DYRK3: variants seen among roughly 807,000 people sequenced by gnomAD.
DYRK3 encodes dual specificity tyrosine-phosphorylation-regulated kinase 3.
A neutral mutation model predicts 40.8 loss-of-function variants in DYRK3; 30 were observed. That is an observed-to-expected ratio of 0.74 (90% CI 0.55 to 1.00). DYRK3 has a LOEUF of 1.00. DYRK3 is among the 50% of genes least tolerant of loss of function. DYRK3 has a pLI of 0.00. For synonymous variants in DYRK3, 272 were observed against 260.7 expected, an observed-to-expected ratio of 1.04 and a Z score of -0.42; for missense variants, 699 against 731.5, an observed-to-expected ratio of 0.96 and a Z score of 0.51.
intron 1 of DYRK3, chr1:206,636,823 G>T: frequency 8.2e-7 from 1 of 1,216,790 alleles, no homozygotes; most frequent in South Asian, 1.5e-5. Context: ...CATTATTCAG[G>T]GCCATCTTGT....
chr1:206,646,248 A>T (rs1276241678), intron 2 of DYRK3, among the ~76,000 whole-genome samples: 1 of 152,224 alleles, frequency 6.6e-6, no homozygotes, highest in Non-Finnish European at 1.5e-5. Context: ...ATCATCTCAC[A>T]TAGTTACCCT....
intron 2 of DYRK3, among the ~76,000 whole-genome samples, chr1:206,639,163 G>A (rs1393036575): frequency 1.3e-5 from 2 of 152,258 alleles, no homozygotes; most frequent in South Asian, 2.1e-4. Context: ...ACAGGCGTGA[G>A]CCACCGCACC....
chr1:206,637,709 G>T lies in DYRK3; in HGVS notation c.137G>T (p.Cys46Phe). ...MMIDETKCPP[C>F]SNVLCNPSEP... Reference sequence around the variant, plus strand: ...ATAGATGAAACCAAATGTCCCCCCTGTTCAAATGTACTCTGCAATCCTTCT... The same window carrying T: ...ATAGATGAAACCAAATGTCCCCCCTTTTCAAATGTACTCTGCAATCCTTCT... Residue 46 changes from cysteine (C) to phenylalanine (F), a missense_variant, in exon 2 of 3, where the codon TGT (cysteine) becomes TTT (phenylalanine). Cys to Phe is a radical substitution (Grantham distance 205). Transcript: ENST00000367109. The T allele has an allele frequency of 6.2e-7, 1 of 1,614,058 alleles. No individual in the cohort carries two copies. Among genetic ancestry groups the T allele is most frequent in the African/African-American group, 1.3e-5 (1 of 75,038 alleles).
chr1:206,635,686 G>T lies in DYRK3; in HGVS notation c.-18G>T. On this transcript the variant is annotated 5_prime_UTR_variant, in exon 1 of 3. Transcript: ENST00000367109. ...CCCCAACTGGCGCCTCTCCCCGCGC[G>T]GGGTCCCGAGCTAGGAGATGGGAGG... 8.0e-7 allele frequency: 1 copy of T among 1,245,770 alleles called. No individual in the cohort carries two copies. The allele number at this position is 1,245,770 out of a possible 1,614,324, so 77.2% of individuals were successfully genotyped here.
At chr1:206,636,829 C>T in intron 1 of DYRK3, 6 of 1,332,178 alleles carry the variant, frequency 4.5e-6, no homozygotes, top group Non-Finnish European at 6.2e-6. Context: ...TCAGGGCCAT[C>T]TTGTGGATTA....
intron 2 of DYRK3, among the ~76,000 whole-genome samples, chr1:206,643,631 G>C (rs1460150117): frequency 6.6e-6 from 1 of 152,172 alleles, no homozygotes; most frequent in Non-Finnish European, 1.5e-5. Context: ...AGGTAACACA[G>C]TACATTGTAT....
intron 2 of DYRK3, among the ~76,000 whole-genome samples, chr1:206,644,716 T>A (rs570241738): frequency 6.6e-6 from 1 of 152,292 alleles, no homozygotes; most frequent in East Asian, 1.9e-4. Flanking sequence ...ATTTTTGTAT[T>A]TTTAGTAGAG....
rs782146383 is a variant in DYRK3 at position 206,648,784 on chromosome 1, C to G, written c.1586C>G (p.Pro529Arg). ...HPWISKSVPR[P>R]LTTIDKVSGK... ...TGGATTAGCAAGTCTGTCCCCAGAC[C>G]TCTCACCACCATAGACAAGGTGTCA... Residue 529 changes from proline to arginine, a missense_variant, in exon 3 of 3, where the codon CCT becomes CGT. Transcript: ENST00000367109. The G allele has an allele frequency of 6.2e-7, 1 of 1,614,220 alleles. No individual in the cohort carries two copies. The highest frequency in any genetic ancestry group is 8.5e-7 in the Non-Finnish European group (1 of 1,180,038).
At chr1:206,641,764 T>G (rs112247606) in intron 2 of DYRK3, among the ~76,000 whole-genome samples, 2 of 150,548 alleles carry the variant, frequency 1.3e-5, no homozygotes, top group Non-Finnish European at 2.9e-5. Context: ...CTACACCTTA[T>G]GCAAAAATTA....
chr1:206,647,390 G>A lies in DYRK3; in HGVS notation c.192G>A (p.Met64Ile). The change falls in exon 3 of 3, where the codon ATG (methionine) becomes ATA (isoleucine). Residue 64 changes from methionine (M) to isoleucine (I), a missense_variant and splice_region_variant. Met to Ile is a conservative substitution (Grantham distance 10, BLOSUM62 1). Coordinates refer to ENST00000367109, the MANE Select transcript of DYRK3 (RefSeq NM_003582.4). ...SEPPPPRRLN[M>I]TTEQFTGDHT... is the part of the protein sequence containing the mutation. Reference sequence around the variant, plus strand: ...TATATTCATTTTCTCTTTCATAGATGACCACTGAGCAGTTTACAGGAGATC... The same window carrying A: ...TATATTCATTTTCTCTTTCATAGATAACCACTGAGCAGTTTACAGGAGATC... 2 of 1,579,562 alleles carry A rather than the reference G, an allele frequency of 1.3e-6. No homozygotes were observed. The highest frequency in any genetic ancestry group is 1.7e-6 in the Non-Finnish European group (2 of 1,163,860).
In DYRK3 at chr1:206,654,055, G is replaced by A. The variant is rs1283690285; in HGVS notation, c.*5090G>A. ...TAATTCGTAACTAGGCATAATTAAA[G>A]TTAAATGCTAAATTTTAGGTAGCAG... On this transcript the variant is annotated 3_prime_UTR_variant, in exon 3 of 3. Transcript: ENST00000367109. Among the ~76,000 whole-genome samples the A allele has an allele frequency of 6.6e-6, 1 of 152,232 alleles. No homozygotes were observed. The highest frequency in any genetic ancestry group is 1.5e-5 in the Non-Finnish European group (1 of 68,036).
In DYRK3 at chr1:206,637,721, T is replaced by C. The variant is rs1374751393; in HGVS notation, c.149T>C (p.Leu50Pro). Residue 50 changes from leucine (L) to proline (P), a missense_variant, in exon 2 of 3, where the codon CTC (leucine) becomes CCC (proline). Physicochemically the swap from Leu to Pro is moderately conservative, Grantham distance 98. Coordinates refer to ENST00000367109, the MANE Select transcript of DYRK3 (RefSeq NM_003582.4). ...AAATGTCCCCCCTGTTCAAATGTAC[T>C]CTGCAATCCTTCTGAACCACCTCCA... ...ETKCPPCSNV[L>P]CNPSEPPPPR... 6.2e-7 allele frequency: 1 copy of C among 1,613,978 alleles called. No individual in the cohort carries two copies. The highest frequency in any genetic ancestry group is 8.5e-7 in the Non-Finnish European group (1 of 1,179,966).
rs376598509 is a variant in DYRK3, at chr1:206,646,129, C to T, written c.190-1259C>T. ...CCTCCCAGAGTGCTGGGATTACAGG[C>T]GTGAGACACCACACGTGGCCAAAAA... On this transcript the variant is annotated intron_variant, in intron 2 of 2. Transcript: ENST00000367109. 2.1e-4 allele frequency among the ~76,000 whole-genome samples: 32 copies of T among 152,314 alleles called. 1 individual carries two copies. The highest frequency in any genetic ancestry group is 6.3e-4 in the African/African-American group (26 of 41,574).
At chr1:206,647,186 A>G (rs1209698159) in intron 2 of DYRK3, among the ~76,000 whole-genome samples, 1 of 152,090 alleles carries the variant, frequency 6.6e-6, no homozygotes, top group Non-Finnish European at 1.5e-5. Flanking sequence ...GGGGTTAGGG[A>G]TGGCCGCAAT....
Position 206,635,734 on chromosome 1 carries a change from A to G in DYRK3, c.31A>G (p.Lys11Glu). 1 of 1,246,510 alleles carries G rather than the reference A, an allele frequency of 8.0e-7. No individual in the cohort carries two copies. The highest frequency in any genetic ancestry group is 4.0e-5 in the South Asian group (1 of 25,212). The allele number at this position is 1,246,510 out of a possible 1,614,324, so 77.2% of individuals were successfully genotyped here. Residue 11 changes from lysine (K) to glutamate (E), a missense_variant, in exon 1 of 3, where the codon AAG (lysine) becomes GAG (glutamate). Physicochemically the swap from Lys to Glu is moderately conservative, Grantham distance 56. Coordinates refer to ENST00000367109, the MANE Select transcript of DYRK3 (RefSeq NM_003582.4). ...AGGCACAGCTCGTGGGCCTGGGCGG[A>G]AGGATGCGGGGCCGCCTGGGGCCGG... MGGTARGPGR[K>E]DAGPPGAGLP...
intron 2 of DYRK3, among the ~76,000 whole-genome samples, chr1:206,638,150 C>T (rs974804352): frequency 2.6e-5 from 4 of 151,626 alleles, no homozygotes; most frequent in Non-Finnish European, 5.9e-5. Context: ...TTCCCCTGCA[C>T]GGTGGAAATG....
rs147181144 is a variant in DYRK3 at position 206,647,750 on chromosome 1, T to C, written c.552T>C (p.Gly184=). 2.5e-6 allele frequency: 4 copies of C among 1,613,984 alleles called. No homozygotes were observed. The African/African-American group carries it at 5.3e-5, about 22-fold the overall frequency. The change falls in exon 3 of 3, where the codon GGT becomes GGC. Residue 184 remains glycine (G), a synonymous_variant. Transcript: ENST00000367109. ...AGAAAAGACATGGAGTTATTGGTGG[T>C]CCCAATAATGGAGGGTATGATGATG... The part of the protein sequence containing the change: ...NAKKRHGVIG[G]PNNGGYDDAD...
rs1671620563 is a variant in DYRK3 at position 206,651,091 on chromosome 1, G to A, written c.*2126G>A. 6.6e-6 allele frequency among the ~76,000 whole-genome samples: 1 copy of A among 152,174 alleles called. No homozygotes were observed. The highest frequency in any genetic ancestry group is 2.4e-5 in the African/African-American group (1 of 41,432). ...CTTGATTCCATTGCCTGAAGAAGCT[G>A]TGTGAAATTAGTCTGGTTATTGGTT... On this transcript the variant is annotated 3_prime_UTR_variant, in exon 3 of 3. Transcript: ENST00000367109.
At position 206,640,970 on chromosome 1, in the gene DYRK3, A is replaced by G. The variant is rs533750999; in HGVS notation, c.189+3209A>G. Among the ~76,000 whole-genome samples, 5 of 152,338 alleles carry G rather than the reference A, an allele frequency of 3.3e-5. No individual in the cohort carries two copies. In the East Asian group the frequency reaches 9.6e-4, roughly 29 times the overall value. On this transcript the variant is annotated intron_variant, in intron 2 of 2. Coordinates refer to ENST00000367109, the MANE Select transcript of DYRK3 (RefSeq NM_003582.4). ...TATGAAATAAAACATGATAAATATG[A>G]CATTATTCATGTCTCTGGATATAAT...
Sources: allele counts gnomAD v4.1 joint callset (sites outside exome capture counted in the v4.1 genomes callset), GRCh38; gene constraint gnomAD v4.1.1; transcripts MANE v1.5; gene names NCBI Gene and HGNC (gene_info 2026-07-23, HGNC 2026-07-21).